Variants in GAPVD1 observed in about 807,000 individuals in gnomAD.
GAPVD1 encodes the protein GTPase activating protein and VPS9 domains 1.
In GAPVD1, 35 loss-of-function variants were observed where a neutral mutation model predicts 155.5. The observed-to-expected ratio is 0.23, with a 90% CI of 0.17 to 0.30. GAPVD1 has a LOEUF of 0.30. GAPVD1 is among the 10% of genes least tolerant of loss of function. The probability of loss-of-function intolerance (pLI) is 1.00; values close to 1 mark genes in which losing one functional copy is unlikely to be tolerated. For synonymous variants in GAPVD1, 636 were observed against 619.7 expected (o/e 1.03, Z -0.39); for missense variants, 1,429 against 1,775.7 (o/e 0.80, Z 3.51).
chr9:125,356,179 C>T (rs766555314), intron 25 of GAPVD1, among the ~76,000 whole-genome samples: 2 of 152,178 alleles, frequency 1.3e-5, no homozygotes, highest in Non-Finnish European at 2.9e-5. Flanking sequence ...AGTATCGTTT[C>T]CCTGATGAAG....
intron 1 of GAPVD1, among the ~76,000 whole-genome samples, chr9:125,265,141 C>G (rs553988390): frequency 1.3e-5 from 2 of 152,290 alleles, no homozygotes; most frequent in East Asian, 3.9e-4. Flanking sequence ...TTTGATTATT[C>G]ATCATTTTGT....
In GAPVD1 at chr9:125,319,535, A is replaced by G. The variant is rs994829024; in HGVS notation, c.1603-1898A>G. On this transcript the variant is annotated intron_variant, in intron 9 of 27. Transcript: ENST00000297933. Reference sequence around the variant, plus strand: ...TTCTCCAGCCTCCTGAGCAGCTGGGATTACAGGTGTGTGCCACGACGCCTG... The same window carrying G: ...TTCTCCAGCCTCCTGAGCAGCTGGGGTTACAGGTGTGTGCCACGACGCCTG... Among the ~76,000 whole-genome samples, 13 of 144,928 alleles carry G rather than the reference A, an allele frequency of 9.0e-5. No individual in the cohort carries two copies. The East Asian group carries it at 2.4e-3, about 27-fold the overall frequency.
At chr9:125,283,962 T>A (rs1177536276) in intron 2 of GAPVD1, among the ~76,000 whole-genome samples, 1 of 151,942 alleles carries the variant, frequency 6.6e-6, no homozygotes, top group Non-Finnish European at 1.5e-5. Flanking sequence ...AGCCTCTGCC[T>A]CCCGGGTTCA....
intron 3 of GAPVD1, among the ~76,000 whole-genome samples, chr9:125,297,124 G>T (rs972638732): frequency 1.3e-5 from 2 of 152,198 alleles, no homozygotes; most frequent in African/African-American, 2.4e-5. Flanking sequence ...TAAAATATGT[G>T]TGCTATTTGT....
At chr9:125,340,479 T>A (rs1847693112) in intron 17 of GAPVD1, among the ~76,000 whole-genome samples, 1 of 152,134 alleles carries the variant, frequency 6.6e-6, no homozygotes, top group South Asian at 2.1e-4. Context: ...TCATATTTTT[T>A]ATCGATAAAA....
chr9:125,293,884 A>AAATATATTT lies in GAPVD1; in HGVS notation c.-149-1574_-149-1573insAATATATTT, dbSNP rs1839346260. ...TATATATATATATATATATATATAT[A>AAATATATTT]TATATATATATATATATATAAGTTT... On this transcript the variant is annotated intron_variant, in intron 2 of 27. Transcript: ENST00000297933. 6.2e-4 allele frequency among the ~76,000 whole-genome samples: 14 copies of AAATATATTT among 22,668 alleles called. 1 individual carries two copies. Among genetic ancestry groups the AAATATATTT allele is most frequent in the African/African-American group, 2.4e-3 (14 of 5,908 alleles). The allele number at this position is 22,668 out of a possible 152,430, so 14.9% of individuals were successfully genotyped here. A position where few individuals can be genotyped will look rare whatever the true frequency, so the allele number is the denominator to read the frequency against.
At chr9:125,358,011 CAATT>C (rs751326743) in intron 25 of GAPVD1, among the ~76,000 whole-genome samples, 19 of 151,014 alleles carry the variant, frequency 1.3e-4, no homozygotes, top group Non-Finnish European at 1.6e-4. Flanking sequence ...ACACACAAAA[CAATT>C]AATCTTGGGA....
At chr9:125,312,730 T>A in intron 9 of GAPVD1, 118 bp downstream of exon 9, 1 of 687,792 alleles carries the variant, frequency 1.5e-6, no homozygotes, top group Non-Finnish European at 2.4e-6. Context: ...CTCACATTTG[T>A]AGAGGCCAGG....
chr9:125,316,344 G>A (rs974216073), intron 9 of GAPVD1, among the ~76,000 whole-genome samples: 7 of 151,632 alleles, frequency 4.6e-5, no homozygotes, highest in South Asian at 2.1e-4. Flanking sequence ...CTACCCCTGC[G>A]ACAGGCCCCA....
intron 2 of GAPVD1, among the ~76,000 whole-genome samples, chr9:125,280,224 C>T (rs897427817): frequency 1.3e-5 from 2 of 150,582 alleles, no homozygotes; most frequent in African/African-American, 4.9e-5. Context: ...TGGAGAAACC[C>T]CGTCTCCACT....
At chr9:125,267,101 A>G (rs1834100830) in intron 1 of GAPVD1, among the ~76,000 whole-genome samples, 2 of 151,868 alleles carry the variant, frequency 1.3e-5, no homozygotes, top group African/African-American at 4.8e-5. Flanking sequence ...TGTTTTTGCA[A>G]CTCTTTGAAA....
chr9:125,284,180 C>CTTTTTTTT (rs34335675), intron 2 of GAPVD1, among the ~76,000 whole-genome samples: 1 of 92,620 alleles, frequency 1.1e-5, no homozygotes, highest in African/African-American at 4.6e-5. Flanking sequence ...CCCGCCAGAA[C>CTTTTTTTT]TTTTTTTTTT....
rs1564361348 is a variant in GAPVD1 at position 125,310,218 on chromosome 9, AGAT to A, written c.1442-2233_1442-2231del. On this transcript the variant is annotated intron_variant, in intron 8 of 27. Coordinates refer to ENST00000297933, the MANE Select transcript of GAPVD1 (RefSeq NM_001282680.3). ...GAATTTAAATTTGCAATTCAGTAAA[AGAT>A]AGGGTGAGCAAATAAAGGTATGAGT... 2.6e-5 allele frequency among the ~76,000 whole-genome samples: 4 copies of A among 151,944 alleles called. No individual in the cohort carries two copies. The East Asian group carries it at 7.7e-4, about 29-fold the overall frequency.
chr9:125,308,734 A>G (rs1029812421), intron 8 of GAPVD1: 2 of 152,230 alleles, frequency 1.3e-5, no homozygotes, highest in African/African-American at 2.4e-5. Flanking sequence ...TGTCTTGCAC[A>G]TGAGGCACTG....
At chr9:125,292,977 T>C (rs1838848943) in intron 2 of GAPVD1, among the ~76,000 whole-genome samples, 1 of 152,196 alleles carries the variant, frequency 6.6e-6, no homozygotes, top group Admixed American at 6.6e-5. Context: ...GAAATACCAA[T>C]CTGACAGTGT....
At chr9:125,296,967 T>G (rs1274213321) in intron 3 of GAPVD1, among the ~76,000 whole-genome samples, 1 of 152,132 alleles carries the variant, frequency 6.6e-6, no homozygotes, top group Non-Finnish European at 1.5e-5. Flanking sequence ...ACCCAAGAAA[T>G]TTTTTGCTAA....
At position 125,294,554 on chromosome 9, in the gene GAPVD1, G is replaced by A. The variant is rs556302935; in HGVS notation, c.-149-904G>A. Among the ~76,000 whole-genome samples, 4 of 150,130 alleles carry A rather than the reference G, an allele frequency of 2.7e-5. No homozygotes were observed. In the South Asian group the frequency reaches 8.5e-4, roughly 32 times the overall value. On this transcript the variant is annotated intron_variant, in intron 2 of 27. Transcript: ENST00000297933. ...GTAGAGACGGGGTTTCACCATGTTG[G>A]TCAGGCTGGTCTCAAACTCCAGACG...
chr9:125,305,474 C>A (rs938328367), intron 6 of GAPVD1, among the ~76,000 whole-genome samples: 1 of 149,434 alleles, frequency 6.7e-6, no homozygotes, highest in African/African-American at 2.5e-5. Flanking sequence ...CGGGTTCAAG[C>A]AACTCTCTGC....
intron 2 of GAPVD1, among the ~76,000 whole-genome samples, chr9:125,285,748 A>C (rs1216789921): frequency 6.6e-6 from 1 of 152,042 alleles, no homozygotes; most frequent in African/African-American, 2.4e-5. Flanking sequence ...GGTGTGAGCC[A>C]CTGCACCTGG....
Sources: gnomAD v4.1 joint callset for allele counts (sites outside exome capture counted in the v4.1 genomes callset) on GRCh38, gnomAD v4.1.1 for gene constraint, MANE v1.5 for transcripts, NCBI Gene and HGNC (gene_info 2026-07-23, HGNC 2026-07-21) for gene names.